CA10: variants seen among roughly 807,000 people sequenced by gnomAD.
CA10 encodes the protein carbonic anhydrase 10 (inactive).
A neutral mutation model predicts 44.2 loss-of-function variants in CA10; 14 were observed. The observed-to-expected ratio is 0.32, with a 90% CI of 0.21 to 0.50. CA10 has a LOEUF of 0.50. Among genes scored for constraint, CA10 ranks in the 20% least tolerant of loss-of-function variants. The pLI is 0.99. For synonymous variants in CA10, 159 were observed against 141.6 expected (o/e 1.12, Z -0.87); for missense variants, 350 against 409.7 (o/e 0.85, Z 1.26).
chr17:52,056,375 G>C (rs935996311), intron 2 of CA10, among the ~76,000 whole-genome samples: 1 of 152,018 alleles, frequency 6.6e-6, no homozygotes, highest in African/African-American at 2.4e-5. Flanking sequence ...GTCATGAAGC[G>C]GGTTGGTGGG....
intron 3 of CA10, among the ~76,000 whole-genome samples, chr17:51,855,793 AT>A (rs1979014211): frequency 6.6e-6 from 1 of 152,250 alleles, no homozygotes; most frequent in African/African-American, 2.4e-5. Flanking sequence ...CCTTAAATGA[AT>A]TCTTAAAATG....
At chr17:51,634,098 G>A (rs887467049) in intron 7 of CA10, among the ~76,000 whole-genome samples, 3 of 152,176 alleles carry the variant, frequency 2.0e-5, no homozygotes, top group Non-Finnish European at 4.4e-5. Flanking sequence ...GACTATGAGG[G>A]CCAGGTGGCT....
chr17:52,136,026 G>C (rs1010285220), intron 1 of CA10, among the ~76,000 whole-genome samples: 4 of 152,180 alleles, frequency 2.6e-5, no homozygotes, highest in African/African-American at 9.6e-5. Context: ...GCATAATACT[G>C]CTTAAAACCA....
intron 2 of CA10, among the ~76,000 whole-genome samples, chr17:52,011,673 A>C (rs1985800563): frequency 6.6e-6 from 1 of 152,052 alleles, no homozygotes; most frequent in Non-Finnish European, 1.5e-5. Flanking sequence ...ATGTATGTGA[A>C]ATACACATGC....
In CA10 at chr17:52,097,811, G is replaced by A. The variant is rs147422441; in HGVS notation, c.62-25418C>T. 2.5e-3 allele frequency among the ~76,000 whole-genome samples: 385 copies of A among 152,294 alleles called. 1 individual carries two copies. The highest frequency in any genetic ancestry group is 8.8e-3 in the African/African-American group (364 of 41,550). ...CAACATGGTAAGCCCAGTAATAGTG[G>A]TATGCACAAGAAACAAAGGTAGGAC... On this transcript the variant is annotated intron_variant, in intron 1 of 8. Transcript: ENST00000451037.
At chr17:51,726,821 G>C (rs1032598432) in intron 4 of CA10, among the ~76,000 whole-genome samples, 2 of 152,148 alleles carry the variant, frequency 1.3e-5, no homozygotes, top group Non-Finnish European at 2.9e-5. Flanking sequence ...AAAGACTTTA[G>C]AGATTTTTCA....
At chr17:52,041,370 T>C (rs892766565) in intron 2 of CA10, among the ~76,000 whole-genome samples, 1 of 152,090 alleles carries the variant, frequency 6.6e-6, no homozygotes, top group African/African-American at 2.4e-5. Flanking sequence ...TGATTTTCCA[T>C]ATGTTCAGGA....
At chr17:52,127,727 A>G (rs982651469) in intron 1 of CA10, among the ~76,000 whole-genome samples, 10 of 152,182 alleles carry the variant, frequency 6.6e-5, no homozygotes, top group African/African-American at 2.4e-4. Context: ...TCATTTCACT[A>G]GAGTGAACTC....
At chr17:51,995,447 T>C (rs1219186622) in intron 2 of CA10, among the ~76,000 whole-genome samples, 3 of 152,086 alleles carry the variant, frequency 2.0e-5, no homozygotes. Flanking sequence ...AAACAATGAT[T>C]TAACTAAATA....
At chr17:51,643,173 ATC>A (rs1376513523) in intron 6 of CA10, among the ~76,000 whole-genome samples, 3 of 152,144 alleles carry the variant, frequency 2.0e-5, no homozygotes, top group African/African-American at 7.2e-5. Flanking sequence ...ACAGCATAAA[ATC>A]TCTTTTTAAA....
intron 1 of CA10, among the ~76,000 whole-genome samples, chr17:52,091,350 G>A (rs1464424610): frequency 1.3e-5 from 2 of 151,910 alleles, no homozygotes; most frequent in East Asian, 1.9e-4. Context: ...GAGCTTCCCC[G>A]AACCAGTGAA....
chr17:52,146,825 G>A lies in CA10; in HGVS notation c.61+10901C>T, dbSNP rs368689498. Among the ~76,000 whole-genome samples, 57 of 152,100 alleles carry A rather than the reference G, an allele frequency of 3.7e-4. 1 individual carries two copies. In the South Asian group the frequency reaches 0.011, roughly 29 times the overall value. ...TCCTCTACACTTTTTTTCCCCATCT[G>A]GTGATGTTGATGCCCAGGAAAACTT... On this transcript the variant is annotated intron_variant, in intron 1 of 8. Coordinates refer to ENST00000451037, the MANE Select transcript of CA10 (RefSeq NM_020178.5).
chr17:51,736,833 C>T (rs544550298), intron 4 of CA10, among the ~76,000 whole-genome samples: 1 of 152,284 alleles, frequency 6.6e-6, no homozygotes, highest in African/African-American at 2.4e-5. Flanking sequence ...TTCCCAGTAG[C>T]TGTCCATCTG....
At chr17:52,068,573 T>C (rs544696572) in intron 2 of CA10, among the ~76,000 whole-genome samples, 33 of 152,330 alleles carry the variant, frequency 2.2e-4, no homozygotes, top group African/African-American at 7.7e-4. Context: ...TTTAGCCTTG[T>C]AGTGAGATGC....
intron 2 of CA10, among the ~76,000 whole-genome samples, chr17:52,000,912 T>TG (rs1434682360): frequency 1.1e-4 from 7 of 65,796 alleles, no homozygotes; most frequent in African/African-American, 4.0e-4. Context: ...GGCTGGGGGG[T>TG]GGGGGTGGGT....
At chr17:51,910,934 T>G (rs1981766386) in intron 3 of CA10, among the ~76,000 whole-genome samples, 1 of 152,184 alleles carries the variant, frequency 6.6e-6, no homozygotes, top group African/African-American at 2.4e-5. Flanking sequence ...ATTTATCACT[T>G]TTGTCAAGTC....
intron 1 of CA10, among the ~76,000 whole-genome samples, chr17:52,081,628 G>A (rs761682173): frequency 6.6e-6 from 1 of 151,834 alleles, no homozygotes; most frequent in Non-Finnish European, 1.5e-5. Context: ...GTGAAACCCC[G>A]TCTCTACTAA....
chr17:51,747,827 C>T lies in CA10; in HGVS notation c.280-9G>A. The T allele has an allele frequency of 6.2e-7, 1 of 1,601,822 alleles. No homozygotes were observed. The highest frequency in any genetic ancestry group is 8.5e-7 in the Non-Finnish European group (1 of 1,173,426). Reference sequence around the variant, plus strand: ...TACATGGTCCCACTGACCTGCAAGGCAATTAGCAACAGGTCAAGCAAGGCC... The same window carrying T: ...TACATGGTCCCACTGACCTGCAAGGTAATTAGCAACAGGTCAAGCAAGGCC... On this transcript the variant is annotated splice_polypyrimidine_tract_variant and intron_variant, in intron 3 of 8. Transcript: ENST00000451037.
intron 4 of CA10, among the ~76,000 whole-genome samples, chr17:51,681,706 G>C (rs1914854073): frequency 6.6e-6 from 1 of 152,120 alleles, no homozygotes; most frequent in South Asian, 2.1e-4. Context: ...CAAATGTAAG[G>C]GGTACAATTG....
Sources: allele counts gnomAD v4.1 joint callset (sites outside exome capture counted in the v4.1 genomes callset), GRCh38; gene constraint gnomAD v4.1.1; transcripts MANE v1.5; gene names NCBI Gene and HGNC (gene_info 2026-07-23, HGNC 2026-07-21).